Variants in PARP1 observed in about 807,000 individuals in gnomAD.
PARP1 encodes the protein poly(ADP-ribose) polymerase 1, also known as poly [ADP-ribose] polymerase 1.
A neutral mutation model predicts 118.7 loss-of-function variants in PARP1; 44 were observed. The observed-to-expected ratio is 0.37, with a 90% CI of 0.29 to 0.48. The LOEUF is 0.48. Ranked by LOEUF, PARP1 falls within the 20% of genes least tolerant of loss-of-function variation. The pLI is 0.99. For synonymous variants in PARP1, 492 were observed against 483.2 expected (o/e 1.02, Z -0.24); for missense variants, 1,100 against 1,272.4 (o/e 0.86, Z 2.06).
chr1:226,404,804 A>G (rs956023440), intron 1 of PARP1, among the ~76,000 whole-genome samples: 3 of 152,270 alleles, frequency 2.0e-5, no homozygotes, highest in African/African-American at 7.2e-5. Context: ...AGCACCTAAC[A>G]TACCAGGGTC....
At chr1:226,370,894 G>A (rs772826961) in intron 14 of PARP1, 51 of 284,658 alleles carry the variant, frequency 1.8e-4, no homozygotes, top group Non-Finnish European at 1.8e-4. Context: ...CTTCCCTGGG[G>A]TCCCAGAGCC....
At chr1:226,381,522 G>A (rs947452208) in intron 8 of PARP1, among the ~76,000 whole-genome samples, 1 of 152,012 alleles carries the variant, frequency 6.6e-6, no homozygotes, top group Non-Finnish European at 1.5e-5. Flanking sequence ...CTGCATCTGC[G>A]GACGAGGGAC....
intron 4 of PARP1, among the ~76,000 whole-genome samples, chr1:226,389,536 T>C (rs1369305932): frequency 6.6e-6 from 1 of 152,220 alleles, no homozygotes; most frequent in Admixed American, 6.5e-5. Context: ...ATATAGTGTC[T>C]GGCATACGAA....
At chr1:226,365,789 C>CA (rs1338295460) in intron 18 of PARP1, among the ~76,000 whole-genome samples, 165 bp downstream of exon 18, 1 of 147,290 alleles carries the variant, frequency 6.8e-6, no homozygotes, top group Non-Finnish European at 1.5e-5. Context: ...AAAAAACAAA[C>CA]AAACAAAAAA....
At position 226,393,172 on chromosome 1, in the gene PARP1, C is replaced by T. The variant is rs1443357016; in HGVS notation, c.287-858G>A. 3.9e-5 allele frequency among the ~76,000 whole-genome samples: 6 copies of T among 152,044 alleles called. No homozygotes were observed. In the East Asian group the frequency reaches 1.2e-3, roughly 29 times the overall value. ...GGCACACTGTCAATATACAAACATA[C>T]AAAAATGTCTAATACTAGCAATAAA... On this transcript the variant is annotated intron_variant, in intron 2 of 22. Coordinates refer to ENST00000366794, the MANE Select transcript of PARP1 (RefSeq NM_001618.4).
chr1:226,393,256 T>C (rs980450355), intron 2 of PARP1, among the ~76,000 whole-genome samples: 1 of 152,242 alleles, frequency 6.6e-6, no homozygotes, highest in South Asian at 2.1e-4. Flanking sequence ...ATAAAACACT[T>C]AGATAAATTT....
chr1:226,368,709 G>C (rs751057311), intron 15 of PARP1, among the ~76,000 whole-genome samples: 3 of 152,152 alleles, frequency 2.0e-5, no homozygotes, highest in Non-Finnish European at 2.9e-5. Context: ...ATAATAAAAT[G>C]TTGGGAGGAG....
In PARP1 at chr1:226,377,169, T is replaced by G. The variant is rs2102733747; in HGVS notation, c.1880A>C (p.His627Pro). The change falls in exon 13 of 23, where the codon CAC becomes CCC. Residue 627 changes from histidine (H) to proline (P), a missense_variant. Physicochemically the swap from His to Pro is moderately conservative, Grantham distance 77. This residue lies in a region of PARP1 where 948 missense variants were observed against 1,031.8 expected (regional missense o/e 0.92). Coordinates refer to ENST00000366794, the MANE Select transcript of PARP1 (RefSeq NM_001618.4). The stretch of plus-strand genomic sequence containing the variant: ...GGGATACTTCGTGAAATTTTTGGAG[T>G]GCCAAGCGTTCCCGGTTTTTTCTTC... ...LYEEKTGNAW[H>P]SKNFTKYPKK... 1 of 1,614,026 alleles carries G rather than the reference T, an allele frequency of 6.2e-7. No homozygotes were observed. The highest frequency in any genetic ancestry group is 1.1e-5 in the South Asian group (1 of 91,072).
In PARP1 at chr1:226,379,993, T is replaced by TC; in HGVS notation, c.1471dup (p.Glu491GlyfsTer30). The stretch of plus-strand genomic sequence containing the variant: ...TGACTTCCCTCTTGGGGCCACAACT[T>TC]CAACAGGCTCTGCCTTCACCTCTGC... On this transcript the variant is annotated frameshift_variant, in exon 10 of 23. Transcript: ENST00000366794. LOFTEE classifies it high-confidence loss of function. The TC allele has an allele frequency of 6.2e-7, 1 of 1,614,150 alleles. No homozygotes were observed. Among genetic ancestry groups the TC allele is most frequent in the Non-Finnish European group, 8.5e-7 (1 of 1,180,030 alleles).
chr1:226,377,553 G>A (rs887911289), intron 12 of PARP1, among the ~76,000 whole-genome samples: 6 of 152,168 alleles, frequency 3.9e-5, no homozygotes, highest in Non-Finnish European at 8.8e-5. Flanking sequence ...TGGCAGCCAA[G>A]CCTGAGGACT....
Position 226,364,076 on chromosome 1 carries a change from A to C in PARP1, c.2659-6T>G. On this transcript the variant is annotated splice_region_variant and splice_polypyrimidine_tract_variant and intron_variant, in intron 19 of 22. Transcript: ENST00000366794. ...TTACCAAACATGTAGCCTGTCTGGA[A>C]GGTCGGAAAAGGGAGAGCTGAGAAT... 1.2e-6 allele frequency: 2 copies of C among 1,613,776 alleles called. No homozygotes were observed. Among genetic ancestry groups the C allele is most frequent in the Non-Finnish European group, 1.7e-6 (2 of 1,179,726 alleles).
intron 5 of PARP1, 54 bp downstream of exon 5, chr1:226,388,602 A>T: frequency 8.1e-7 from 1 of 1,240,816 alleles, no homozygotes. Context: ...CCAGAATGAG[A>T]AAGAGAATCC....
At chr1:226,384,408 C>T (rs757321218) in intron 7 of PARP1, among the ~76,000 whole-genome samples, 4 of 152,272 alleles carry the variant, frequency 2.6e-5, no homozygotes, top group East Asian at 1.9e-4. Context: ...AACAGTGTCA[C>T]TGCCTGGGCA....
chr1:226,364,116 T>C (rs2102726313), intron 19 of PARP1, 46 bp from the exon 20 acceptor site: 2 of 1,607,608 alleles, frequency 1.2e-6, no homozygotes, highest in Middle Eastern at 3.3e-4. Flanking sequence ...TGATGGGAAA[T>C]TAGGAGCAGC....
intron 21 of PARP1, among the ~76,000 whole-genome samples, chr1:226,362,737 T>C (rs1259738893): frequency 2.0e-5 from 3 of 152,208 alleles, no homozygotes; most frequent in African/African-American, 4.8e-5. Context: ...CCGAAACCCG[T>C]GCATCTGGTT....
intron 21 of PARP1, among the ~76,000 whole-genome samples, chr1:226,362,881 A>C (rs962565251): frequency 2.0e-5 from 3 of 152,002 alleles, no homozygotes; most frequent in Admixed American, 1.3e-4. Flanking sequence ...AAAAATAAAT[A>C]AAATGAACCT....
At chr1:226,407,778 C>T (rs1241793624) in intron 1 of PARP1, 32 bp downstream of exon 1, 1 of 1,546,386 alleles carries the variant, frequency 6.5e-7, no homozygotes, top group Non-Finnish European at 8.7e-7. Flanking sequence ...GGCGCCGCGT[C>T]CCCGCCCCGC....
intron 20 of PARP1, among the ~76,000 whole-genome samples, chr1:226,363,729 GTTCCTGCCC>G (rs1322947211): frequency 6.6e-6 from 1 of 152,204 alleles, no homozygotes; most frequent in African/African-American, 2.4e-5. Flanking sequence ...GCCTGGCTGC[GTTCCTGCCC>G]TTGCATTTCC....
intron 8 of PARP1, among the ~76,000 whole-genome samples, chr1:226,382,529 G>A (rs1275504754): frequency 6.6e-6 from 1 of 152,112 alleles, no homozygotes; most frequent in Non-Finnish European, 1.5e-5. Flanking sequence ...CTTCTACAAT[G>A]TTTATTTTAT....
Sources: allele counts gnomAD v4.1 joint callset (sites outside exome capture counted in the v4.1 genomes callset), GRCh38; gene constraint gnomAD v4.1.1; regional missense constraint gnomAD v4.1.1; transcripts MANE v1.5; gene names NCBI Gene and HGNC (gene_info 2026-07-23, HGNC 2026-07-21).